MAD1L1: variants seen among roughly 807,000 people sequenced by gnomAD.
MAD1L1 encodes mitotic arrest deficient 1 like 1.
Under a neutral mutation model 96.9 loss-of-function variants are expected in MAD1L1, and 95 were observed. The ratio of observed to expected loss-of-function variants is 0.98; its 90% CI spans 0.83 to 1.16. The LOEUF is 1.16. MAD1L1 is among the 50% of genes most tolerant of loss of function. The pLI, the probability that MAD1L1 is intolerant of heterozygous loss-of-function variation, is 0.00. For missense variants in MAD1L1, 1,007 were observed against 954.4 expected (o/e 1.06, Z -0.73); for synonymous variants, 473 against 396.6 (o/e 1.19, Z -2.29).
At chr7:2,049,726 G>A (rs909715383) in intron 12 of MAD1L1, among the ~76,000 whole-genome samples, 1 of 152,192 alleles carries the variant, frequency 6.6e-6, no homozygotes, top group African/African-American at 2.4e-5. Context: ...GTGTCCAGGA[G>A]GACTATCGAG....
intron 10 of MAD1L1, among the ~76,000 whole-genome samples, chr7:2,170,760 C>A (rs1243355508): frequency 6.6e-6 from 1 of 152,088 alleles, no homozygotes; most frequent in African/African-American, 2.4e-5. Context: ...TAGCAGGATC[C>A]CAGGAAGGCA....
chr7:1,950,243 T>C (rs867284966), intron 16 of MAD1L1, among the ~76,000 whole-genome samples: 1 of 152,160 alleles, frequency 6.6e-6, no homozygotes, highest in Non-Finnish European at 1.5e-5. Flanking sequence ...CTCAGTCTCA[T>C]GTCACCCAGC....
At chr7:2,020,551 G>A (rs1782744402) in intron 12 of MAD1L1, among the ~76,000 whole-genome samples, 1 of 152,230 alleles carries the variant, frequency 6.6e-6, no homozygotes, top group Non-Finnish European at 1.5e-5. Flanking sequence ...CCCCGCCTCT[G>A]TGAGAGCAAA....
chr7:2,028,062 T>C (rs1448775364), intron 12 of MAD1L1, among the ~76,000 whole-genome samples: 2 of 152,190 alleles, frequency 1.3e-5, no homozygotes, highest in Admixed American at 6.5e-5. Context: ...ACAAACATTA[T>C]TATTCAAAAC....
intron 6 of MAD1L1, among the ~76,000 whole-genome samples, chr7:2,219,019 C>G (rs978948443): frequency 1.3e-5 from 2 of 152,146 alleles, no homozygotes; most frequent in Non-Finnish European, 2.9e-5. Context: ...ATGATTACAC[C>G]ATTGCACTCC....
chr7:1,976,145 G>C (rs1415110274), intron 15 of MAD1L1, among the ~76,000 whole-genome samples: 1 of 152,208 alleles, frequency 6.6e-6, no homozygotes, highest in African/African-American at 2.4e-5. Context: ...GTGCATCTGG[G>C]CAAGAGCAGG....
intron 12 of MAD1L1, among the ~76,000 whole-genome samples, chr7:2,019,564 T>C (rs1012182899): frequency 5.9e-5 from 9 of 152,050 alleles, no homozygotes. Flanking sequence ...AATAAGTACA[T>C]GGAGACAGCA....
rs200308243 is a variant in MAD1L1, at chr7:2,093,072, C to CA, written c.1074-23735dup. ...CCAATATGGTGAAACCCCGTCTCTA[C>CA]AAAAAAAAAAATATATACAAAAATT... On this transcript the variant is annotated intron_variant, in intron 11 of 18. Coordinates refer to ENST00000265854, the MANE Select transcript of MAD1L1 (RefSeq NM_001013836.2). Among the ~76,000 whole-genome samples, 276 of 141,228 alleles carry CA rather than the reference C, an allele frequency of 2.0e-3. 1 individual carries two copies. The highest frequency in any genetic ancestry group is 0.015 in the East Asian group (72 of 4,940). 92.7% of individuals were successfully genotyped at this position (141,228 alleles called of 152,430 possible).
At chr7:1,920,933 C>A (rs1219558039) in intron 17 of MAD1L1, among the ~76,000 whole-genome samples, 1 of 152,246 alleles carries the variant, frequency 6.6e-6, no homozygotes, top group African/African-American at 2.4e-5. Context: ...GAAAAGGGTG[C>A]AGATTCATGT....
intron 18 of MAD1L1, among the ~76,000 whole-genome samples, chr7:1,841,329 C>T (rs952016406): frequency 5.3e-5 from 8 of 152,228 alleles, no homozygotes; most frequent in African/African-American, 1.9e-4. Context: ...CTGATGCCTC[C>T]CTGGGCTGAA....
At chr7:1,993,440 G>C (rs1239217438) in intron 14 of MAD1L1, among the ~76,000 whole-genome samples, 3 of 152,026 alleles carry the variant, frequency 2.0e-5, no homozygotes, top group Non-Finnish European at 1.5e-5. Flanking sequence ...GAATATCTAA[G>C]ATCATTCTGA....
At chr7:1,995,216 G>A (rs908946091) in intron 14 of MAD1L1, among the ~76,000 whole-genome samples, 2 of 152,194 alleles carry the variant, frequency 1.3e-5, no homozygotes, top group Non-Finnish European at 1.5e-5. Flanking sequence ...GAGAAGCCTC[G>A]GGGGGCACCT....
chr7:1,888,362 A>T (rs1786289215), intron 18 of MAD1L1, among the ~76,000 whole-genome samples: 1 of 145,070 alleles, frequency 6.9e-6, no homozygotes, highest in South Asian at 2.2e-4. Context: ...GTGTGCATGC[A>T]TGCGTGTATG....
intron 18 of MAD1L1, among the ~76,000 whole-genome samples, chr7:1,866,131 C>T (rs1261141734): frequency 6.6e-6 from 1 of 152,200 alleles, no homozygotes; most frequent in African/African-American, 2.4e-5. Flanking sequence ...CTCAGCAGGG[C>T]TGGTTGGTGG....
chr7:2,208,146 T>C (rs1312144551), intron 10 of MAD1L1, among the ~76,000 whole-genome samples: 1 of 152,208 alleles, frequency 6.6e-6, no homozygotes, highest in Non-Finnish European at 1.5e-5. Flanking sequence ...CTTACACAGA[T>C]TTTCTTATAT....
intron 18 of MAD1L1, among the ~76,000 whole-genome samples, chr7:1,878,662 T>TA (rs1272342897): frequency 6.6e-6 from 1 of 151,500 alleles, no homozygotes; most frequent in Non-Finnish European, 1.5e-5. Context: ...GAAAAACTCA[T>TA]ATTTAACAGC....
intron 18 of MAD1L1, among the ~76,000 whole-genome samples, chr7:1,892,026 C>T (rs1353839623): frequency 6.6e-6 from 1 of 152,240 alleles, no homozygotes; most frequent in Non-Finnish European, 1.5e-5. Context: ...GCCCAGAGCA[C>T]CCGCCAGCCC....
At chr7:2,205,233 G>A (rs1792539220) in intron 10 of MAD1L1, among the ~76,000 whole-genome samples, 1 of 151,960 alleles carries the variant, frequency 6.6e-6, no homozygotes, top group Admixed American at 6.6e-5. Context: ...ACAGGGGCCT[G>A]AACTTTGCTA....
At chr7:2,084,081 C>T (rs769734465) in intron 11 of MAD1L1, among the ~76,000 whole-genome samples, 12 of 152,386 alleles carry the variant, frequency 7.9e-5, no homozygotes, top group African/African-American at 1.9e-4. Context: ...AGTTAACCAG[C>T]GGCTTCCTCT....
Sources: gnomAD v4.1 joint callset for allele counts (sites outside exome capture counted in the v4.1 genomes callset) on GRCh38, gnomAD v4.1.1 for gene constraint, MANE v1.5 for transcripts, NCBI Gene and HGNC (gene_info 2026-07-23, HGNC 2026-07-21) for gene names.